CLRN1: variants seen among roughly 807,000 people sequenced by gnomAD.
CLRN1 encodes the protein clarin-1.
In CLRN1, 15 loss-of-function variants were observed where a neutral mutation model predicts 18.7. That is an observed-to-expected ratio of 0.80 (90% CI 0.54 to 1.23). The LOEUF is 1.23. Ranked by LOEUF, CLRN1 falls within the 50% of genes most tolerant of loss-of-function variation. The pLI, the probability that CLRN1 is intolerant of heterozygous loss-of-function variation, is 0.00. For missense variants in CLRN1, 311 were observed against 277.5 expected (o/e 1.12, Z -0.86); for synonymous variants, 104 against 102.9 (o/e 1.01, Z -0.07).
At chr3:150,969,558 C>A (rs113734899) in intron 1 of CLRN1, among the ~76,000 whole-genome samples, 5,374 of 151,552 alleles carry the variant, frequency 0.035, 152 homozygotes, top group East Asian at 0.14. Flanking sequence ...ATCTCCTGAC[C>A]CTGTGTCCTC....
At chr3:150,937,239 G>A (rs1713546433) in intron 2 of CLRN1, among the ~76,000 whole-genome samples, 1 of 152,004 alleles carries the variant, frequency 6.6e-6, no homozygotes, top group Non-Finnish European at 1.5e-5. Context: ...ATACACTTTT[G>A]TTTGACTCTC....
intron 2 of CLRN1, among the ~76,000 whole-genome samples, chr3:150,938,785 A>G (rs1048962633): frequency 6.6e-6 from 1 of 152,134 alleles, no homozygotes; most frequent in African/African-American, 2.4e-5. Flanking sequence ...TTTTACAACA[A>G]ATTTGAAGGT....
At chr3:150,955,996 A>G (rs1171649812) in intron 1 of CLRN1, among the ~76,000 whole-genome samples, 1 of 152,170 alleles carries the variant, frequency 6.6e-6, no homozygotes, top group Non-Finnish European at 1.5e-5. Context: ...CAGTTTTGAA[A>G]TCACCTTCTG....
intron 1 of CLRN1, chr3:150,945,537 A>G: frequency 7.8e-7 from 1 of 1,287,052 alleles, no homozygotes; most frequent in Non-Finnish European, 1.0e-6. Context: ...ACATGAAATA[A>G]GCTTAGTGCT....
intron 1 of CLRN1, among the ~76,000 whole-genome samples, chr3:150,950,083 T>A (rs1714403263): frequency 6.6e-6 from 1 of 152,162 alleles, no homozygotes; most frequent in Non-Finnish European, 1.5e-5. Flanking sequence ...ACTCAATAAA[T>A]AATGCTGGGA....
intron 1 of CLRN1, among the ~76,000 whole-genome samples, chr3:150,948,891 A>G (rs926286664): frequency 5.3e-5 from 8 of 152,170 alleles, no homozygotes; most frequent in African/African-American, 1.4e-4. Context: ...CCAAAACCTG[A>G]CAGAGACACA....
chr3:150,966,189 C>T (rs964269990), intron 1 of CLRN1, among the ~76,000 whole-genome samples: 1 of 152,154 alleles, frequency 6.6e-6, no homozygotes, highest in Non-Finnish European at 1.5e-5. Flanking sequence ...TGGCACATGC[C>T]TGTGGTCCCT....
chr3:150,953,678 C>T (rs1164878500), intron 1 of CLRN1, among the ~76,000 whole-genome samples: 2 of 152,098 alleles, frequency 1.3e-5, no homozygotes, highest in Non-Finnish European at 2.9e-5. Context: ...CCACCAAGCC[C>T]AGCTAATTTT....
At chr3:150,951,051 CA>C (rs1204380564) in intron 1 of CLRN1, among the ~76,000 whole-genome samples, 2 of 152,052 alleles carry the variant, frequency 1.3e-5, no homozygotes, top group Admixed American at 1.3e-4. Context: ...GACAGAAAAC[CA>C]AATACTGCAT....
At chr3:150,965,641 A>G (rs1424790342) in intron 1 of CLRN1, among the ~76,000 whole-genome samples, 2 of 152,150 alleles carry the variant, frequency 1.3e-5, no homozygotes, top group African/African-American at 2.4e-5. Flanking sequence ...TCATCCTTCA[A>G]TAGGTAAAGT....
At chr3:150,948,615 T>G (rs1057469583) in intron 1 of CLRN1, among the ~76,000 whole-genome samples, 8 of 149,230 alleles carry the variant, frequency 5.4e-5, no homozygotes, top group Non-Finnish European at 1.0e-4. Flanking sequence ...CTAGAAGAGC[T>G]AAATAAATTC....
intron 1 of CLRN1, among the ~76,000 whole-genome samples, chr3:150,964,103 A>G (rs1449726517): frequency 1.3e-5 from 2 of 152,234 alleles, no homozygotes; most frequent in African/African-American, 4.8e-5. Context: ...GCAGCAAAAG[A>G]AACTATTATC....
chr3:150,944,498 C>T (rs1457710634), intron 1 of CLRN1, among the ~76,000 whole-genome samples: 17 of 150,410 alleles, frequency 1.1e-4, no homozygotes, highest in Admixed American at 1.1e-3. Context: ...GGCTGGCCTA[C>T]GGTGGGAGAG....
intron 1 of CLRN1, among the ~76,000 whole-genome samples, chr3:150,951,963 C>T (rs545826381): frequency 2.8e-4 from 43 of 152,214 alleles, no homozygotes; most frequent in African/African-American, 9.9e-4. Context: ...GATTACGATT[C>T]GACATGAGAT....
chr3:150,931,820 G>A (rs1223325112), intron 2 of CLRN1, among the ~76,000 whole-genome samples: 1 of 152,114 alleles, frequency 6.6e-6, no homozygotes, highest in Admixed American at 6.5e-5. Flanking sequence ...GTGCCAGTTG[G>A]ACAGATTCCT....
intron 1 of CLRN1, among the ~76,000 whole-genome samples, chr3:150,954,902 G>T (rs1284782291): frequency 6.6e-6 from 1 of 152,198 alleles, no homozygotes; most frequent in Admixed American, 6.5e-5. Context: ...CCATTGCTCA[G>T]TATTTACCTA....
intron 1 of CLRN1, among the ~76,000 whole-genome samples, chr3:150,961,563 C>T (rs917063069): frequency 3.9e-5 from 6 of 152,128 alleles, no homozygotes; most frequent in East Asian, 3.8e-4. Context: ...GCAATGGTGC[C>T]GCAATTTCTT....
At chr3:150,933,184 C>T (rs1049466785) in intron 2 of CLRN1, among the ~76,000 whole-genome samples, 1 of 152,120 alleles carries the variant, frequency 6.6e-6, no homozygotes, top group Non-Finnish European at 1.5e-5. Flanking sequence ...TTATTGAGTG[C>T]CTGTTGCGCT....
Position 150,941,581 on chromosome 3 carries a change from C to A in CLRN1, c.433+1G>T. The A allele has an allele frequency of 3.1e-6, 5 of 1,613,880 alleles. No homozygotes were observed. The highest frequency in any genetic ancestry group is 4.2e-6 in the Non-Finnish European group (5 of 1,179,852). ...CTTCAGAGGTAGAATTTTGTACTTA[C>A]CTGAAATGAAGCTCAAAAGGTACAG... On this transcript the variant is annotated splice_donor_variant, in intron 2 of 2. Transcript: ENST00000327047. LOFTEE classifies it high-confidence loss of function.
Sources: allele counts gnomAD v4.1 joint callset (sites outside exome capture counted in the v4.1 genomes callset), GRCh38; gene constraint gnomAD v4.1.1; transcripts MANE v1.5; gene names NCBI Gene and HGNC (gene_info 2026-07-23, HGNC 2026-07-21).